The following CDH4 variants were observed in gnomAD, a reference collection of about 807,000 sequenced individuals.
CDH4 encodes the protein cadherin-4.
In CDH4, 33 loss-of-function variants were observed where a neutral mutation model predicts 86.0. The ratio of observed to expected loss-of-function variants is 0.38; its 90% CI spans 0.29 to 0.51. CDH4 has a LOEUF of 0.51. Ranked by LOEUF, CDH4 falls within the 20% of genes least tolerant of loss-of-function variation. The probability of loss-of-function intolerance (pLI) is 0.86; values close to 1 mark genes in which losing one functional copy is unlikely to be tolerated. For missense variants in CDH4, 1,114 were observed against 1,307.4 expected (o/e 0.85, Z 2.28); for synonymous variants, 555 against 549.4 (o/e 1.01, Z -0.14).
rs112327290 is a variant in CDH4 at position 61,497,027 on chromosome 20, T to C, written c.169+242090T>C. 6.4e-3 allele frequency among the ~76,000 whole-genome samples: 959 copies of C among 150,908 alleles called. 10 individuals carry two copies. Among genetic ancestry groups the C allele is most frequent in the African/African-American group, 0.023 (927 of 41,008 alleles). On this transcript the variant is annotated intron_variant, in intron 2 of 15. Transcript: ENST00000614565. ...CTTGCCTTAAGTCTCTCTTATCCAA[T>C]GTTAATATCAGCCGTGAATAAGCCT...
In CDH4 at chr20:61,367,209, C is replaced by T. The variant is rs368990662; in HGVS notation, c.169+112272C>T. Among the ~76,000 whole-genome samples the T allele has an allele frequency of 3.3e-5, 5 of 152,012 alleles. No individual in the cohort carries two copies. The East Asian group carries it at 9.8e-4, about 30-fold the overall frequency. ...GGTGGGACAGGGCTCCAGAGTGCCT[C>T]CGGGGGCTCCCTGAGATCACATTTC... On this transcript the variant is annotated intron_variant, in intron 2 of 15. Coordinates refer to ENST00000614565, the MANE Select transcript of CDH4 (RefSeq NM_001794.5).
chr20:61,640,763 A>G (rs1488678780), intron 2 of CDH4, among the ~76,000 whole-genome samples: 4 of 152,192 alleles, frequency 2.6e-5, no homozygotes, highest in African/African-American at 9.7e-5. Context: ...TCACCCAGCA[A>G]ACTCAGCGGA....
chr20:61,547,793 C>T (rs2086099718), intron 2 of CDH4, among the ~76,000 whole-genome samples: 1 of 152,246 alleles, frequency 6.6e-6, no homozygotes, highest in South Asian at 2.1e-4. Context: ...CATCTGAAAT[C>T]GTTTCCCATG....
intron 2 of CDH4, among the ~76,000 whole-genome samples, chr20:61,695,053 T>G (rs1482370064): frequency 2.0e-5 from 3 of 152,178 alleles, no homozygotes; most frequent in African/African-American, 7.2e-5. Context: ...ATGTGCAACG[T>G]TTTCACTGCC....
chr20:61,827,270 T>G (rs767511757), intron 4 of CDH4, among the ~76,000 whole-genome samples: 44 of 152,358 alleles, frequency 2.9e-4, no homozygotes, highest in South Asian at 8.3e-4. Context: ...GGAATTATTT[T>G]AATTATTTTA....
At chr20:61,273,150 AGTTTGGGGGAG>A (rs2084194051) in intron 2 of CDH4, among the ~76,000 whole-genome samples, 3 of 81,916 alleles carry the variant, frequency 3.7e-5, no homozygotes, top group Non-Finnish European at 6.5e-5. Context: ...TACCGTGTGC[AGTTTGGGGGAG>A]TATTGGGGGA....
intron 2 of CDH4, among the ~76,000 whole-genome samples, chr20:61,655,516 G>A (rs1029042444): frequency 2.6e-5 from 4 of 152,342 alleles, no homozygotes; most frequent in South Asian, 4.1e-4. Flanking sequence ...GACCACTGCC[G>A]TGTTCTCCTC....
chr20:61,910,379 C>T (rs1322377351), intron 8 of CDH4, 43 bp from the exon 9 acceptor site: 1 of 1,576,760 alleles, frequency 6.3e-7, no homozygotes, highest in Non-Finnish European at 8.7e-7. Context: ...TGCATATTTA[C>T]ACTTAACACG....
intron 2 of CDH4, among the ~76,000 whole-genome samples, chr20:61,458,634 TTGG>T (rs1239115461): frequency 2.0e-5 from 3 of 151,482 alleles, no homozygotes; most frequent in Admixed American, 6.6e-5. Flanking sequence ...AGTAGTGGTA[TTGG>T]TGGTGGTGAT....
chr20:61,451,204 T>C (rs1234609044), intron 2 of CDH4, among the ~76,000 whole-genome samples: 1 of 150,140 alleles, frequency 6.7e-6, no homozygotes, highest in Non-Finnish European at 1.5e-5. Flanking sequence ...GATAGAGAGC[T>C]GTGCCTGGTG....
chr20:61,282,602 C>T (rs2084265813), intron 2 of CDH4, among the ~76,000 whole-genome samples: 1 of 151,558 alleles, frequency 6.6e-6, no homozygotes, highest in African/African-American at 2.4e-5. Context: ...CCTGCACACA[C>T]AACTGGATGA....
At chr20:61,856,149 C>A (rs1457810285) in intron 6 of CDH4, among the ~76,000 whole-genome samples, 1 of 152,208 alleles carries the variant, frequency 6.6e-6, no homozygotes, top group Non-Finnish European at 1.5e-5. Flanking sequence ...CTACACAGTG[C>A]CTTTGTGGGA....
intron 2 of CDH4, among the ~76,000 whole-genome samples, chr20:61,361,985 A>C (rs2084785932): frequency 6.6e-6 from 1 of 152,236 alleles, no homozygotes; most frequent in Non-Finnish European, 1.5e-5. Flanking sequence ...ACACTCTCCG[A>C]GAGGGGACCA....
At chr20:61,320,586 T>C (rs1295262391) in intron 2 of CDH4, among the ~76,000 whole-genome samples, 1 of 151,798 alleles carries the variant, frequency 6.6e-6, no homozygotes, top group Non-Finnish European at 1.5e-5. Flanking sequence ...CATTGATGTT[T>C]GTGAGTGGGG....
In CDH4 at chr20:61,264,020, G is replaced by A. The variant is rs75459668; in HGVS notation, c.169+9083G>A. 8.6e-3 allele frequency among the ~76,000 whole-genome samples: 1,309 copies of A among 152,140 alleles called. 11 individuals are homozygous for A. Among genetic ancestry groups the A allele is most frequent in the African/African-American group, 0.03 (1,235 of 41,468 alleles). On this transcript the variant is annotated intron_variant, in intron 2 of 15. Transcript: ENST00000614565. ...CCTGAGTAACCCAGGATAATCTCCC[G>A]TTGCAAGACTCTTAATTCAGTCACC...
chr20:61,937,027 G>A lies in CDH4; in HGVS notation c.*84G>A, dbSNP rs951094109. 18 of 1,211,488 alleles carry A rather than the reference G, an allele frequency of 1.5e-5. No individual in the cohort carries two copies. Among genetic ancestry groups the A allele is most frequent in the Non-Finnish European group, 1.9e-5 (17 of 882,814 alleles). The allele number at this position is 1,211,488 out of a possible 1,614,324, so 75.0% of individuals were successfully genotyped here. A position where few individuals can be genotyped will look rare whatever the true frequency, so the allele number is the denominator to read the frequency against. ...CTGAGCAGAGGCGGCCGGTCTTCCC[G>A]ACTCCCTGCGGCTGTGTCCTTAGTG... On this transcript the variant is annotated 3_prime_UTR_variant, in exon 16 of 16. Coordinates refer to ENST00000614565, the MANE Select transcript of CDH4 (RefSeq NM_001794.5).
intron 2 of CDH4, among the ~76,000 whole-genome samples, chr20:61,671,115 AGGTGGATGGGTGGATGCATGATGGTTG>A (rs1210678955): frequency 4.2e-5 from 6 of 142,604 alleles, no homozygotes; most frequent in African/African-American, 1.8e-4. Flanking sequence ...GATGATGAAT[AGGTGGATGGGTGGATGCATGATGGTTG>A]GGTGGATGGG....
intron 3 of CDH4, among the ~76,000 whole-genome samples, chr20:61,756,650 C>A (rs964597626): frequency 6.6e-6 from 1 of 151,638 alleles, no homozygotes; most frequent in Admixed American, 6.6e-5. Flanking sequence ...ACCCTGAGAG[C>A]GGAGGCCTTG....
At chr20:61,697,546 C>T (rs779128743) in intron 2 of CDH4, among the ~76,000 whole-genome samples, 52 of 151,936 alleles carry the variant, frequency 3.4e-4, no homozygotes, top group Non-Finnish European at 6.5e-4. Flanking sequence ...TGCAGTGAGC[C>T]GAGATCACGC....
Sources: gnomAD v4.1 joint callset for allele counts (sites outside exome capture counted in the v4.1 genomes callset) on GRCh38, gnomAD v4.1.1 for gene constraint, MANE v1.5 for transcripts, NCBI Gene and HGNC (gene_info 2026-07-23, HGNC 2026-07-21) for gene names.